Variants in CFAP299 observed in about 807,000 individuals in gnomAD.
The protein encoded by CFAP299 is cilia and flagella associated protein 299.
CFAP299 carries 21 observed loss-of-function variants against 27.0 expected under a neutral mutation model. The observed-to-expected ratio is 0.78, with a 90% CI of 0.55 to 1.12. The LOEUF is 1.12. Among genes scored for constraint, CFAP299 ranks in the 50% most tolerant of loss-of-function variants. CFAP299 has a pLI of 0.00. For missense variants in CFAP299, 310 were observed against 276.6 expected, an observed-to-expected ratio of 1.12 and a Z score of -0.86; for synonymous variants, 104 against 98.1, an observed-to-expected ratio of 1.06 and a Z score of -0.36.
chr4:80,396,763 C>T (rs1725819012), intron 2 of CFAP299, among the ~76,000 whole-genome samples: 1 of 152,140 alleles, frequency 6.6e-6, no homozygotes, highest in African/African-American at 2.4e-5. Flanking sequence ...TTTTGATGTG[C>T]TGCTGGATTT....
intron 2 of CFAP299, among the ~76,000 whole-genome samples, chr4:80,476,966 TG>T (rs1730311654): frequency 1.3e-5 from 2 of 149,812 alleles, no homozygotes; most frequent in Non-Finnish European, 1.5e-5. Flanking sequence ...CATGCGTGTG[TG>T]TGTGTGTGTG....
intron 1 of CFAP299, among the ~76,000 whole-genome samples, chr4:80,351,871 TA>T (rs1723029181): frequency 6.7e-6 from 1 of 150,238 alleles, no homozygotes; most frequent in South Asian, 2.1e-4. Flanking sequence ...GTTTTATAAT[TA>T]ATGATTTATT....
intron 3 of CFAP299, among the ~76,000 whole-genome samples, chr4:80,691,845 G>T (rs535474572): frequency 2.0e-5 from 3 of 152,202 alleles, no homozygotes; most frequent in Non-Finnish European, 4.4e-5. Flanking sequence ...ATTCAGCAAA[G>T]TCTCAGGATA....
chr4:80,350,243 C>T (rs1374010257), intron 1 of CFAP299, among the ~76,000 whole-genome samples: 1 of 151,842 alleles, frequency 6.6e-6, no homozygotes, highest in African/African-American at 2.4e-5. Flanking sequence ...AAGTACAAAC[C>T]CACAGAGCCA....
chr4:80,837,393 G>A (rs1578169564), intron 3 of CFAP299, among the ~76,000 whole-genome samples: 1 of 152,056 alleles, frequency 6.6e-6, no homozygotes, highest in South Asian at 2.1e-4. Flanking sequence ...CCATCAGCCT[G>A]TCATCTACAT....
At chr4:80,854,496 A>T (rs533998724) in intron 3 of CFAP299, among the ~76,000 whole-genome samples, 1 of 152,122 alleles carries the variant, frequency 6.6e-6, no homozygotes, top group South Asian at 2.1e-4. Flanking sequence ...AAATGAGGTC[A>T]AATGCACAAA....
intron 3 of CFAP299, among the ~76,000 whole-genome samples, chr4:80,865,234 T>C (rs1732653275): frequency 6.6e-6 from 1 of 152,252 alleles, no homozygotes; most frequent in South Asian, 2.1e-4. Flanking sequence ...TAGTGGCTTC[T>C]TAATAAACGA....
chr4:80,543,502 A>C (rs1734097489), intron 2 of CFAP299, among the ~76,000 whole-genome samples: 1 of 152,262 alleles, frequency 6.6e-6, no homozygotes, highest in Non-Finnish European at 1.5e-5. Context: ...ATTCTAAGAA[A>C]GAACCAAACT....
At chr4:80,829,289 A>G (rs1730166223) in intron 3 of CFAP299, among the ~76,000 whole-genome samples, 5 of 152,124 alleles carry the variant, frequency 3.3e-5, no homozygotes. Flanking sequence ...ATTTCTCCAA[A>G]GAAGATACAG....
chr4:80,817,587 G>T (rs1253062934), intron 3 of CFAP299, among the ~76,000 whole-genome samples: 1 of 151,852 alleles, frequency 6.6e-6, no homozygotes, highest in Non-Finnish European at 1.5e-5. Context: ...ATAAAAATTT[G>T]TTTAATTCCA....
chr4:80,927,339 A>G (rs1368927020), intron 4 of CFAP299, among the ~76,000 whole-genome samples: 1 of 152,096 alleles, frequency 6.6e-6, no homozygotes, highest in Non-Finnish European at 1.5e-5. Context: ...CCTCTGGTCC[A>G]TCCCAACATC....
At chr4:80,737,736 AC>A (rs1370692039) in intron 3 of CFAP299, among the ~76,000 whole-genome samples, 1 of 152,070 alleles carries the variant, frequency 6.6e-6, no homozygotes, top group Non-Finnish European at 1.5e-5. Flanking sequence ...TTTTAAACAA[AC>A]AAAAAAAGAA....
chr4:80,735,590 ATTATG>A (rs1560724473), intron 3 of CFAP299, among the ~76,000 whole-genome samples: 1 of 152,224 alleles, frequency 6.6e-6, no homozygotes, highest in Admixed American at 6.6e-5. Flanking sequence ...TATGGCTTTT[ATTATG>A]TTATAATATG....
intron 3 of CFAP299, among the ~76,000 whole-genome samples, chr4:80,732,409 A>G (rs1335602882): frequency 2.0e-5 from 3 of 152,164 alleles, no homozygotes; most frequent in Admixed American, 1.3e-4. Flanking sequence ...TGCAAACACA[A>G]AAGATAGTGC....
chr4:80,361,838 C>T (rs963226134), intron 1 of CFAP299, among the ~76,000 whole-genome samples: 4 of 152,056 alleles, frequency 2.6e-5, no homozygotes, highest in Non-Finnish European at 5.9e-5. Context: ...ACAGTTCTTG[C>T]ATTCAACAGC....
intron 3 of CFAP299, among the ~76,000 whole-genome samples, chr4:80,820,826 G>T (rs1024652579): frequency 1.3e-5 from 2 of 152,100 alleles, no homozygotes; most frequent in South Asian, 4.1e-4. Flanking sequence ...AATGAATAGC[G>T]TTATATGGCT....
At chr4:80,460,309 A>G (rs1367481900) in intron 2 of CFAP299, among the ~76,000 whole-genome samples, 2 of 152,182 alleles carry the variant, frequency 1.3e-5, no homozygotes, top group African/African-American at 4.8e-5. Flanking sequence ...TATTTCACCA[A>G]TGCAGATTTT....
intron 3 of CFAP299, among the ~76,000 whole-genome samples, chr4:80,628,941 C>T (rs1192975558): frequency 1.3e-5 from 2 of 152,114 alleles, no homozygotes; most frequent in Non-Finnish European, 2.9e-5. Context: ...ATAAAACTGC[C>T]ATATAATCCA....
intron 2 of CFAP299, among the ~76,000 whole-genome samples, chr4:80,475,169 G>T (rs1730212719): frequency 6.6e-6 from 1 of 152,188 alleles, no homozygotes; most frequent in South Asian, 2.1e-4. Flanking sequence ...GCAGGTGCCA[G>T]TGTGGTATGG....
Sources: gnomAD v4.1 joint callset for allele counts (sites outside exome capture counted in the v4.1 genomes callset) on GRCh38, gnomAD v4.1.1 for gene constraint, MANE v1.5 for transcripts, NCBI Gene and HGNC (gene_info 2026-07-23, HGNC 2026-07-21) for gene names.